CSPG4: variants seen among roughly 807,000 people sequenced by gnomAD.
CSPG4 encodes chondroitin sulfate proteoglycan 4.
In CSPG4, 74 loss-of-function variants were observed where a neutral mutation model predicts 139.3. The ratio of observed to expected loss-of-function variants is 0.53; its 90% CI spans 0.44 to 0.64. The LOEUF is 0.64. Among genes scored for constraint, CSPG4 ranks in the 30% least tolerant of loss-of-function variants. The pLI, the probability that CSPG4 is intolerant of heterozygous loss-of-function variation, is 0.00. For missense variants in CSPG4, 2,565 were observed against 3,148.3 expected, an observed-to-expected ratio of 0.81 and a Z score of 4.43; for synonymous variants, 1,234 against 1,394.2, an observed-to-expected ratio of 0.89 and a Z score of 2.56.
At position 75,676,945 on chromosome 15, in the gene CSPG4, C is replaced by A. The variant is rs746448332; in HGVS notation, c.5574G>T (p.Val1858=). 2 of 1,534,812 alleles carry A rather than the reference C, an allele frequency of 1.3e-6. No individual in the cohort carries two copies. Among genetic ancestry groups the A allele is most frequent in the South Asian group, 2.4e-5 (2 of 83,082 alleles). ...RAPISRAQLS[V]VDPDSAPGEI... Reference sequence around the variant, plus strand: ...CCCCAGGAGCTGAGTCTGGGTCCACCACACTCAGCTGGGCCCGGGAGATGG... The same window carrying A: ...CCCCAGGAGCTGAGTCTGGGTCCACAACACTCAGCTGGGCCCGGGAGATGG... The change falls in exon 10 of 10, where the codon GTG becomes GTT. Residue 1858 remains valine, a synonymous_variant. Transcript: ENST00000308508.
chr15:75,700,451 CTG>C (rs1894286443), intron 1 of CSPG4, among the ~76,000 whole-genome samples: 1 of 152,186 alleles, frequency 6.6e-6, no homozygotes, highest in Non-Finnish European at 1.5e-5. Flanking sequence ...AGCCCCTCCT[CTG>C]TGGCTCTGGG....
chr15:75,705,107 T>C (rs1238079467), intron 1 of CSPG4, among the ~76,000 whole-genome samples: 10 of 152,150 alleles, frequency 6.6e-5, no homozygotes, highest in Non-Finnish European at 1.5e-4. Flanking sequence ...TAGGGGCTGT[T>C]AGGCTTGGGA....
rs778985486 is a variant in CSPG4, at chr15:75,677,803, C to T, written c.5034G>A (p.Leu1678=). 1.9e-6 allele frequency: 3 copies of T among 1,612,270 alleles called. No individual in the cohort carries two copies. The highest frequency in any genetic ancestry group is 2.5e-6 in the Non-Finnish European group (3 of 1,179,260). Residue 1678 remains leucine (L), a synonymous_variant, in exon 9 of 10, where the codon CTG becomes CTA. Coordinates refer to ENST00000308508, the MANE Select transcript of CSPG4 (RefSeq NM_001897.5). ...CCACGTCCCGGGCAGGCGGCGAGGA[C>T]AGCTGGAGCTCTAGGGTATCATGGG... ...WEAHDTLELQ[L]SSPPARDVAA... is the part of the protein sequence containing the mutation.
At chr15:75,685,794 T>A in intron 3 of CSPG4, 93 bp from the exon 4 acceptor site, 1 of 1,375,104 alleles carries the variant, frequency 7.3e-7, no homozygotes, top group South Asian at 1.5e-5. Context: ...ACAGGCTTGA[T>A]CTTGCCCCAC....
rs2141430613 is a variant in CSPG4, at chr15:75,689,938, A to G, written c.1127T>C (p.Met376Thr). ...CTCCTCCAGCCTGCAGCCGGCTGCC[A>G]TGTTGCGCGTCAGCAAAGCTTCCCG... The part of the protein sequence containing the change: ...GLREALLTRN[M>T]AAGCRLEEEE... The change falls in exon 3 of 10, where the codon ATG (methionine) becomes ACG (threonine). Residue 376 changes from methionine to threonine, a missense_variant. This residue lies in a region of CSPG4 where 2,316 missense variants were observed against 2,818.2 expected (regional missense o/e 0.82). Coordinates refer to ENST00000308508, the MANE Select transcript of CSPG4 (RefSeq NM_001897.5). 1.9e-6 allele frequency: 3 copies of G among 1,611,990 alleles called. No individual in the cohort carries two copies. The East Asian group carries it at 6.7e-5, about 36-fold the overall frequency.
At position 75,688,875 on chromosome 15, in the gene CSPG4, C is replaced by T. The variant is rs779333895; in HGVS notation, c.2190G>A (p.Ala730=). 6.8e-5 allele frequency: 110 copies of T among 1,611,836 alleles called. No individual in the cohort carries two copies. Among genetic ancestry groups the T allele is most frequent in the Middle Eastern group, 1.7e-4 (1 of 5,722 alleles). The change falls in exon 3 of 10, where the codon GCG becomes GCA. Residue 730 remains alanine, a synonymous_variant. Coordinates refer to ENST00000308508, the MANE Select transcript of CSPG4 (RefSeq NM_001897.5). ...VEGAEWWATQ[A]FHQRDVEQGR... Reference sequence around the variant, plus strand: ...CCTGCTCCACATCCCGCTGGTGGAACGCCTGTGTGGCCCACCACTCAGCAC... The same window carrying T: ...CCTGCTCCACATCCCGCTGGTGGAATGCCTGTGTGGCCCACCACTCAGCAC...
chr15:75,699,835 G>T (rs1596012510), intron 1 of CSPG4, among the ~76,000 whole-genome samples: 1 of 152,164 alleles, frequency 6.6e-6, no homozygotes, highest in East Asian at 1.9e-4. Context: ...GCTTTTCCCT[G>T]CCTTATAATC....
intron 9 of CSPG4, 74 bp downstream of exon 9, chr15:75,677,629 G>T: frequency 6.8e-7 from 1 of 1,477,126 alleles, no homozygotes; most frequent in Non-Finnish European, 9.1e-7. Context: ...GCTGACCCTG[G>T]CCTCGTGTCC....
rs918994050 is a variant in CSPG4, at chr15:75,675,143, C to T, written c.*407G>A. 3 of 309,734 alleles carry T rather than the reference C, an allele frequency of 9.7e-6. No individual in the cohort carries two copies. The South Asian group carries it at 4.8e-4, about 50-fold the overall frequency. The allele number at this position is 309,734 out of a possible 1,614,324, so 19.2% of individuals were successfully genotyped here. ...AAAGCCAGGAATAGCTTCCTCTGTC[C>T]CTTCCCTCCCCAGGGTACTTCCTTC... On this transcript the variant is annotated 3_prime_UTR_variant, in exon 10 of 10. Coordinates refer to ENST00000308508, the MANE Select transcript of CSPG4 (RefSeq NM_001897.5).
upstream of CSPG4, chr15:75,712,908 CGCCCG>C: frequency 1.7e-6 from 1 of 589,192 alleles, no homozygotes; most frequent in South Asian, 2.3e-5. Flanking sequence ...CAGACCCGCG[CGCCCG>C]CTCGGGTTTC....
In CSPG4 at chr15:75,677,230, G is replaced by A. The variant is rs769794425; in HGVS notation, c.5289C>T (p.Ser1763=). 24 of 1,480,262 alleles carry A rather than the reference G, an allele frequency of 1.6e-5. No homozygotes were observed. Among genetic ancestry groups the A allele is most frequent in the Middle Eastern group, 1.8e-4 (1 of 5,604 alleles). The allele number at this position is 1,480,262 out of a possible 1,614,324, so 91.7% of individuals were successfully genotyped here. The change falls in exon 10 of 10, where the codon TCC becomes TCT. Residue 1763 remains serine (S), a synonymous_variant. Transcript: ENST00000308508. ...GCTGCCCAGCATGGAGGGGCTCCTC[G>A]GACACCAACAGCTGGCCCCGGCTGG... ...QFPSRGQLLV[S]EEPLHAGQPH...
Position 75,674,964 on chromosome 15 carries a change from A to T in CSPG4, c.*586T>A. Reference sequence around the variant, plus strand: ...GCAACCTACCCACCCTGCACCCTGAATATATTATCCTATTGGCTTATGCCT... The same window carrying T: ...GCAACCTACCCACCCTGCACCCTGATTATATTATCCTATTGGCTTATGCCT... On this transcript the variant is annotated 3_prime_UTR_variant, in exon 10 of 10. Coordinates refer to ENST00000308508, the MANE Select transcript of CSPG4 (RefSeq NM_001897.5). 1 of 396,830 alleles carries T rather than the reference A, an allele frequency of 2.5e-6. No individual in the cohort carries two copies. 24.6% of individuals were successfully genotyped at this position (396,830 alleles called of 1,614,324 possible).
intron 1 of CSPG4, among the ~76,000 whole-genome samples, chr15:75,695,729 G>C (rs1349296935): frequency 6.6e-6 from 1 of 152,036 alleles, no homozygotes; most frequent in Non-Finnish European, 1.5e-5. Flanking sequence ...TAATAAGCTA[G>C]GAGTCAATCC....
Position 75,682,401 on chromosome 15 carries a change from G to T in CSPG4, c.4842C>A (p.Asp1614Glu), listed in dbSNP as rs1893986255. ...TLRASSSAGTDPQLLLYRVVR... is the reference protein window; with the variant it reads ...TLRASSSAGTEPQLLLYRVVR... ...CCACACGGTAGAGCAGGAGCTGGGG[G>T]TCAGTGCCTGCGCTGGAGCTGGCCC... Residue 1614 changes from aspartate (D) to glutamate (E), a missense_variant, in exon 8 of 10, where the codon GAC becomes GAA. By Grantham distance (45) the Asp-to-Glu change is conservative. Around this residue, in one of 5 missense-constraint regions of CSPG4, gnomAD observed 2,316 missense variants for 2,818.2 expected, o/e 0.82. Transcript: ENST00000308508. The T allele has an allele frequency of 6.3e-7, 1 of 1,596,050 alleles. No individual in the cohort carries two copies. The highest frequency in any genetic ancestry group is 8.5e-7 in the Non-Finnish European group (1 of 1,179,272).
chr15:75,706,758 G>A (rs1427939234), intron 1 of CSPG4, among the ~76,000 whole-genome samples: 2 of 152,144 alleles, frequency 1.3e-5, no homozygotes, highest in African/African-American at 4.8e-5. Flanking sequence ...TGATGGCCTA[G>A]TTCTATCTGA....
intron 1 of CSPG4, among the ~76,000 whole-genome samples, chr15:75,702,843 C>T (rs1211076798): frequency 1.3e-5 from 2 of 151,730 alleles, no homozygotes; most frequent in Non-Finnish European, 2.9e-5. Flanking sequence ...TTGAGGCTTA[C>T]AGGCCCCTGC....
rs1458119508 is a variant in CSPG4 at position 75,682,861 on chromosome 15, C to T, written c.4630G>A (p.Val1544Met). 2.0e-5 allele frequency: 32 copies of T among 1,609,562 alleles called. 1 individual carries two copies. The highest frequency in any genetic ancestry group is 1.1e-4 in the South Asian group (10 of 90,882). Residue 1544 changes from valine (V) to methionine (M), a missense_variant, in exon 6 of 10, where the codon GTG becomes ATG. Val to Met is a conservative substitution (Grantham distance 21, BLOSUM62 1). Transcript: ENST00000308508. Reference sequence around the variant, plus strand: ...CACCCACCTCTGTGTGAGAACAGCACGAGCCCGCCGTCCAGCTGGGCCTGC... The same window carrying T: ...CACCCACCTCTGTGTGAGAACAGCATGAGCCCGCCGTCCAGCTGGGCCTGC... The part of the protein sequence containing the change: ...FTQAQLDGGL[V>M]LFSHRGTLDG...
At position 75,675,019 on chromosome 15, in the gene CSPG4, C is replaced by T; in HGVS notation, c.*531G>A. On this transcript the variant is annotated 3_prime_UTR_variant, in exon 10 of 10. Coordinates refer to ENST00000308508, the MANE Select transcript of CSPG4 (RefSeq NM_001897.5). The stretch of plus-strand genomic sequence containing the variant: ...GACTGGAGGCGCTCTCTCCTCTTGC[C>T]CTCTACTCCAGGGGATACCATCTCC... 1.8e-5 allele frequency: 7 copies of T among 392,502 alleles called. No homozygotes were observed. Among genetic ancestry groups the T allele is most frequent in the South Asian group, 1.4e-4 (1 of 6,970 alleles). The allele number at this position is 392,502 out of a possible 1,614,324, so 24.3% of individuals were successfully genotyped here.
chr15:75,689,511 C>T lies in CSPG4; in HGVS notation c.1554G>A (p.Leu518=). 3.2e-6 allele frequency: 5 copies of T among 1,581,380 alleles called. No homozygotes were observed. The highest frequency in any genetic ancestry group is 4.3e-6 in the Non-Finnish European group (5 of 1,169,642). ...GAGCCGTCACCGACACCTCCAGCAC[C>T]AGCTGGTCGGAGGTGTCCTCAGAGC... ...HDGSEDTSDQ[L]VLEVSVTARV... is the part of the protein sequence containing the mutation. The change falls in exon 3 of 10, where the codon CTG becomes CTA. Residue 518 remains leucine, a synonymous_variant. Transcript: ENST00000308508.
Sources: gnomAD v4.1 joint callset for allele counts (sites outside exome capture counted in the v4.1 genomes callset) on GRCh38, gnomAD v4.1.1 for gene constraint, gnomAD v4.1.1 regional missense constraint, MANE v1.5 for transcripts, NCBI Gene and HGNC (gene_info 2026-07-23, HGNC 2026-07-21) for gene names.